Variants in SHC3 observed in about 807,000 individuals in gnomAD.
SHC3 encodes SHC-transforming protein 3.
A neutral mutation model predicts 60.4 loss-of-function variants in SHC3; 15 were observed. The observed-to-expected ratio is 0.25, with a 90% CI of 0.17 to 0.38. The LOEUF (loss-of-function observed/expected upper bound fraction) is 0.38, where lower values mean the gene tolerates loss of function less well. Ranked by LOEUF, SHC3 falls within the 10% of genes least tolerant of loss-of-function variation. SHC3 has a pLI of 1.00. For synonymous variants in SHC3, 294 were observed against 325.9 expected (o/e 0.90, Z 1.05); for missense variants, 677 against 786.1 (o/e 0.86, Z 1.66).
intron 2 of SHC3, among the ~76,000 whole-genome samples, chr9:89,078,932 TTAATTTCTACCATG>T (rs1160171352): frequency 1.3e-5 from 2 of 152,220 alleles, no homozygotes; most frequent in Non-Finnish European, 2.9e-5. Flanking sequence ...CTTCTTCAGA[TTAATTTCTACCATG>T]TGGACGAAAA....
intron 11 of SHC3, among the ~76,000 whole-genome samples, chr9:89,017,646 T>A (rs182704391): frequency 1.3e-5 from 2 of 151,938 alleles, no homozygotes; most frequent in Admixed American, 1.3e-4. Context: ...AATTGACAAA[T>A]GGGATCTAAT....
intron 1 of SHC3, among the ~76,000 whole-genome samples, chr9:89,151,983 G>T (rs1442492087): frequency 1.3e-5 from 2 of 152,138 alleles, no homozygotes; most frequent in Admixed American, 1.3e-4. Flanking sequence ...ATTCAGTAAG[G>T]TTGTGCCCAG....
intron 11 of SHC3, 112 bp from the exon 12 acceptor site, chr9:89,013,687 G>T (rs1439314773): frequency 5.6e-6 from 8 of 1,421,742 alleles, no homozygotes; most frequent in Non-Finnish European, 6.6e-6. Flanking sequence ...GAAAGGAGGG[G>T]GGGACAAGGG....
At chr9:89,045,713 T>A in intron 9 of SHC3, 33 bp downstream of exon 9, 1 of 1,604,484 alleles carries the variant, frequency 6.2e-7, no homozygotes, top group Non-Finnish European at 8.5e-7. Flanking sequence ...AAGTGTCTTT[T>A]GTGTTTCTCA....
At chr9:89,167,995 C>T (rs1826814656) in intron 1 of SHC3, among the ~76,000 whole-genome samples, 1 of 152,224 alleles carries the variant, frequency 6.6e-6, no homozygotes, top group African/African-American at 2.4e-5. Context: ...CGGGCCCCCA[C>T]ACCCTGAGCC....
chr9:89,046,745 A>T, intron 8 of SHC3, 99 bp downstream of exon 8: 1 of 1,313,498 alleles, frequency 7.6e-7, no homozygotes, highest in East Asian at 2.6e-5. Context: ...GTCAAAAATG[A>T]AACAGAACAT....
In SHC3 at chr9:89,046,900, C is replaced by T. The variant is rs1196268565; in HGVS notation, c.1057G>A (p.Gly353Arg). 2 of 1,610,744 alleles carry T rather than the reference C, an allele frequency of 1.2e-6. No homozygotes were observed. The highest frequency in any genetic ancestry group is 2.2e-5 in the South Asian group (2 of 89,964). Residue 353 changes from glycine to arginine, a missense_variant, in exon 8 of 12, where the codon GGG (glycine) becomes AGG (arginine). Coordinates refer to ENST00000375835, the MANE Select transcript of SHC3 (RefSeq NM_016848.6). ...NSIPSKMPPP[G>R]GFLDTRLKPR... ...TTCAGTCTAGTATCAAGAAAGCCCC[C>T]TGGAGGAGGCATCTTGCTTGGGATG...
intron 1 of SHC3, among the ~76,000 whole-genome samples, chr9:89,151,400 G>T (rs1426103179): frequency 6.6e-6 from 1 of 151,722 alleles, no homozygotes; most frequent in East Asian, 1.9e-4. Context: ...CTCATTAATG[G>T]GATTAGTGGC....
At chr9:89,143,423 C>T (rs565447864) in intron 1 of SHC3, among the ~76,000 whole-genome samples, 2 of 152,098 alleles carry the variant, frequency 1.3e-5, no homozygotes, top group Non-Finnish European at 2.9e-5. Context: ...CCTATCTCAT[C>T]CTGTGACTTA....
chr9:89,032,738 C>T (rs1277682781), intron 11 of SHC3, among the ~76,000 whole-genome samples: 6 of 152,156 alleles, frequency 3.9e-5, no homozygotes, highest in African/African-American at 1.4e-4. Flanking sequence ...GGTTAGTATA[C>T]TCTGGAGTAA....
intron 6 of SHC3, among the ~76,000 whole-genome samples, chr9:89,053,642 G>T (rs1216121449): frequency 6.6e-6 from 1 of 152,184 alleles, no homozygotes; most frequent in Non-Finnish European, 1.5e-5. Flanking sequence ...CTTGGATACG[G>T]CAGTGTTATT....
intron 4 of SHC3, among the ~76,000 whole-genome samples, chr9:89,073,269 A>T (rs1415274117): frequency 6.6e-6 from 1 of 152,244 alleles, no homozygotes; most frequent in African/African-American, 2.4e-5. Context: ...GGTTGACGTG[A>T]TGCGTGAGCC....
chr9:89,176,586 GT>G (rs1826945084), intron 1 of SHC3, among the ~76,000 whole-genome samples: 2 of 152,182 alleles, frequency 1.3e-5, no homozygotes, highest in Middle Eastern at 6.8e-3. Context: ...GGTTTGGTTT[GT>G]TTTTTTCTTT....
intron 2 of SHC3, among the ~76,000 whole-genome samples, chr9:89,087,403 CT>C (rs1439493268): frequency 7.2e-5 from 11 of 152,256 alleles, no homozygotes; most frequent in Admixed American, 5.9e-4. Context: ...CGAATCAGAA[CT>C]TTCCCCTCCC....
chr9:89,029,662 A>G (rs1020884995), intron 11 of SHC3, among the ~76,000 whole-genome samples: 3 of 152,190 alleles, frequency 2.0e-5, no homozygotes, highest in Admixed American at 1.3e-4. Context: ...AGTTCACCTT[A>G]GAAGAGGAAG....
At chr9:89,130,092 C>CA (rs532503432) in intron 1 of SHC3, among the ~76,000 whole-genome samples, 45 of 151,128 alleles carry the variant, frequency 3.0e-4, no homozygotes, top group Non-Finnish European at 5.5e-4. Flanking sequence ...AACAAACAAA[C>CA]AAAAAAAAGC....
At position 89,118,303 on chromosome 9, in the gene SHC3, T is replaced by C. The variant is rs546020200; in HGVS notation, c.475-5677A>G. On this transcript the variant is annotated intron_variant, in intron 1 of 11. Coordinates refer to ENST00000375835, the MANE Select transcript of SHC3 (RefSeq NM_016848.6). ...AAACTCAAGCAGTGGGCTCCAGAGA[T>C]ACACAAAACTGGATTATGAAAGCTA... Among the ~76,000 whole-genome samples, 3 of 150,958 alleles carry C rather than the reference T, an allele frequency of 2.0e-5. No homozygotes were observed. The East Asian group carries it at 5.9e-4, about 30-fold the overall frequency.
At chr9:89,026,562 G>C (rs1223771075) in intron 11 of SHC3, among the ~76,000 whole-genome samples, 2 of 152,180 alleles carry the variant, frequency 1.3e-5, no homozygotes, top group Non-Finnish European at 2.9e-5. Flanking sequence ...ATAAAATCAA[G>C]CTGTAGCTTG....
intron 1 of SHC3, among the ~76,000 whole-genome samples, chr9:89,149,007 A>C (rs1037076247): frequency 6.6e-6 from 1 of 152,244 alleles, no homozygotes; most frequent in African/African-American, 2.4e-5. Flanking sequence ...GTGAACATTC[A>C]GCAAATTACT....
Sources: allele counts gnomAD v4.1 joint callset (sites outside exome capture counted in the v4.1 genomes callset), GRCh38; gene constraint gnomAD v4.1.1; transcripts MANE v1.5; gene names NCBI Gene and HGNC (gene_info 2026-07-23, HGNC 2026-07-21).